COL23A1: variants seen among roughly 807,000 people sequenced by gnomAD.
The protein encoded by COL23A1 is collagen type XXIII alpha 1 chain.
In COL23A1, 97 loss-of-function variants were observed where a neutral mutation model predicts 99.3. The observed-to-expected ratio is 0.98, with a 90% CI of 0.83 to 1.16. COL23A1 has a LOEUF of 1.16. Ranked by LOEUF, COL23A1 falls within the 50% of genes most tolerant of loss-of-function variation. The pLI is 0.00. For synonymous variants in COL23A1, 320 were observed against 308.2 expected (o/e 1.04, Z -0.40); for missense variants, 762 against 757.4 (o/e 1.01, Z -0.07).
intron 2 of COL23A1, among the ~76,000 whole-genome samples, chr5:178,517,718 C>T (rs542092710): frequency 1.5e-5 from 2 of 133,316 alleles, no homozygotes; most frequent in Non-Finnish European, 3.5e-5. Flanking sequence ...CGTGCCACCA[C>T]GCCAAGCTAA....
intron 14 of COL23A1, 85 bp downstream of exon 14, chr5:178,256,781 G>C (rs1765322363): frequency 7.4e-7 from 1 of 1,349,226 alleles, no homozygotes; most frequent in South Asian, 1.3e-5. Flanking sequence ...GGGCAAATGA[G>C]AGCTGAAACC....
intron 2 of COL23A1, among the ~76,000 whole-genome samples, chr5:178,358,502 T>C (rs976641175): frequency 9.5e-6 from 1 of 105,218 alleles, no homozygotes; most frequent in African/African-American, 3.5e-5. Context: ...TGTATGCGTG[T>C]ATATGTGTGT....
At chr5:178,279,000 G>T (rs1233261449) in intron 5 of COL23A1, among the ~76,000 whole-genome samples, 2 of 152,158 alleles carry the variant, frequency 1.3e-5, no homozygotes, top group African/African-American at 2.4e-5. Flanking sequence ...ACCACAGACC[G>T]GCCAGGCAGA....
intron 4 of COL23A1, among the ~76,000 whole-genome samples, chr5:178,289,634 C>G (rs991014827): frequency 6.6e-6 from 1 of 152,132 alleles, no homozygotes; most frequent in Non-Finnish European, 1.5e-5. Flanking sequence ...GACAACTGCC[C>G]GACTCTACAG....
intron 2 of COL23A1, among the ~76,000 whole-genome samples, chr5:178,401,510 C>T (rs953460146): frequency 6.6e-6 from 1 of 152,234 alleles, no homozygotes; most frequent in African/African-American, 2.4e-5. Context: ...TTTATTGCTG[C>T]ATAGTATTCC....
chr5:178,385,084 C>T (rs1763599131), intron 2 of COL23A1, among the ~76,000 whole-genome samples: 2 of 152,170 alleles, frequency 1.3e-5, no homozygotes, highest in South Asian at 2.1e-4. Flanking sequence ...CATGTTGTCA[C>T]AGCTGGGGAA....
intron 25 of COL23A1, among the ~76,000 whole-genome samples, chr5:178,245,114 C>T (rs1764605402): frequency 6.7e-6 from 1 of 149,216 alleles, no homozygotes; most frequent in Non-Finnish European, 1.5e-5. Context: ...CCTCCACTGC[C>T]ATCATCATCC....
intron 4 of COL23A1, among the ~76,000 whole-genome samples, chr5:178,289,055 A>G (rs1181082076): frequency 6.6e-6 from 1 of 152,180 alleles, no homozygotes; most frequent in Non-Finnish European, 1.5e-5. Context: ...TCCCTGAGAC[A>G]GCCAGGAAGA....
At chr5:178,513,658 C>A (rs757601927) in intron 2 of COL23A1, among the ~76,000 whole-genome samples, 22 of 151,990 alleles carry the variant, frequency 1.4e-4, no homozygotes, top group Non-Finnish European at 2.9e-4. Context: ...TGGATCCCAG[C>A]TCCTAGAGAC....
chr5:178,365,103 T>C lies in COL23A1; in HGVS notation c.362-58184A>G, dbSNP rs1762390054. Among the ~76,000 whole-genome samples, 1 of 151,810 alleles carries C rather than the reference T, an allele frequency of 6.6e-6. No individual in the cohort carries two copies. Among genetic ancestry groups the C allele is most frequent in the Admixed American group, 6.6e-5 (1 of 15,206 alleles). ...AATAACAATCTCTTTGTAATTTCTC[T>C]TTGGGGTGGGCTTTATGATGTTGCT... On this transcript the variant is annotated intron_variant, in intron 2 of 28. Coordinates refer to ENST00000390654, the MANE Select transcript of COL23A1 (RefSeq NM_173465.4). The surrounding 1 kb of genome is among the most constrained non-coding windows in gnomAD (Gnocchi z 5.2).
intron 2 of COL23A1, among the ~76,000 whole-genome samples, chr5:178,429,434 G>T (rs940833080): frequency 7.2e-5 from 11 of 152,220 alleles, no homozygotes; most frequent in Admixed American, 2.6e-4. Flanking sequence ...ATGCCAAAGC[G>T]AAAGTTAAGC....
In COL23A1 at chr5:178,384,228, AGCTG is replaced by A. The variant is rs1763544607; in HGVS notation, c.362-77313_362-77310del. ...CAGCGTGGAGCCAGACGCTGCTGCG[AGCTG>A]AGCTGCGATCGCAAATGCACGCAGC... On this transcript the variant is annotated intron_variant, in intron 2 of 28. Coordinates refer to ENST00000390654, the MANE Select transcript of COL23A1 (RefSeq NM_173465.4). This position sits in a 1 kb window ranked among gnomAD's most constrained non-coding sequence, Gnocchi z 5.5. Among the ~76,000 whole-genome samples, 14 of 152,204 alleles carry A rather than the reference AGCTG, an allele frequency of 9.2e-5. No homozygotes were observed. Among genetic ancestry groups the A allele is most frequent in the Admixed American group, 7.9e-4 (12 of 15,274 alleles).
intron 2 of COL23A1, among the ~76,000 whole-genome samples, chr5:178,523,201 T>TATAGAGAGAGAGAGAG (rs1223542330): frequency 3.1e-4 from 24 of 77,618 alleles, no homozygotes; most frequent in Non-Finnish European, 5.0e-4. Context: ...TATATATATA[T>TATAGAGAGAGAGAGAG]AGAGAGAGAG....
chr5:178,245,896 C>G (rs752650295), intron 25 of COL23A1, 46 bp downstream of exon 25: 8 of 1,608,912 alleles, frequency 5.0e-6, no homozygotes, highest in Non-Finnish European at 6.8e-6. Context: ...GCAGAAGATA[C>G]ACACAAGAGG....
chr5:178,419,576 C>A (rs1765490525), intron 2 of COL23A1, among the ~76,000 whole-genome samples: 1 of 152,198 alleles, frequency 6.6e-6, no homozygotes, highest in African/African-American at 2.4e-5. Flanking sequence ...ACTGGGCATC[C>A]CTATGCCTCC....
chr5:178,537,613 C>G (rs75334644), intron 2 of COL23A1, among the ~76,000 whole-genome samples: 1 of 152,210 alleles, frequency 6.6e-6, no homozygotes, highest in Non-Finnish European at 1.5e-5. Context: ...GGTGACAATT[C>G]TGTAAAATGG....
At chr5:178,545,842 G>C (rs1761549995) in intron 2 of COL23A1, among the ~76,000 whole-genome samples, 1 of 152,176 alleles carries the variant, frequency 6.6e-6, no homozygotes, top group Non-Finnish European at 1.5e-5. Context: ...AGACATATTT[G>C]ATGCCTACTG....
At chr5:178,509,382 G>A (rs765936944) in intron 2 of COL23A1, among the ~76,000 whole-genome samples, 68 of 151,976 alleles carry the variant, frequency 4.5e-4, no homozygotes, top group South Asian at 6.2e-4. Context: ...CACCATGCCC[G>A]GCTAATTTTT....
rs1275455781 is a variant in COL23A1 at position 178,468,983 on chromosome 5, A to C, written c.361+91699T>G. On this transcript the variant is annotated intron_variant, in intron 2 of 28. Transcript: ENST00000390654. The surrounding 1 kb of genome is among the most constrained non-coding windows in gnomAD (Gnocchi z 4.2). Reference sequence around the variant, plus strand: ...TATGAATTTGATGACTGGGTGCCTCACATAAGTGGAATCATATCGTGTTTG... The same window carrying C: ...TATGAATTTGATGACTGGGTGCCTCCCATAAGTGGAATCATATCGTGTTTG... Among the ~76,000 whole-genome samples, 4 of 152,130 alleles carry C rather than the reference A, an allele frequency of 2.6e-5. No homozygotes were observed. The highest frequency in any genetic ancestry group is 2.0e-4 in the Admixed American group (3 of 15,276).
Sources: gnomAD v4.1 joint callset for allele counts (sites outside exome capture counted in the v4.1 genomes callset) on GRCh38, gnomAD v4.1.1 for gene constraint, Gnocchi (gnomAD v3.1) non-coding constraint, MANE v1.5 for transcripts, NCBI Gene and HGNC (gene_info 2026-07-23, HGNC 2026-07-21) for gene names.